The following FAH variants were observed in gnomAD, a reference collection of about 807,000 sequenced individuals.
The protein encoded by FAH is fumarylacetoacetate hydrolase.
In FAH, 47 loss-of-function variants were observed where a neutral mutation model predicts 55.8. That is an observed-to-expected ratio of 0.84 (90% CI 0.67 to 1.07). The LOEUF is 1.07. Among genes scored for constraint, FAH ranks in the 50% least tolerant of loss-of-function variants. FAH has a pLI of 0.00. For missense variants in FAH, 495 were observed against 545.9 expected, an observed-to-expected ratio of 0.91 and a Z score of 0.93; for synonymous variants, 199 against 207.7, an observed-to-expected ratio of 0.96 and a Z score of 0.36.
intron 13 of FAH, 147 bp from the exon 14 acceptor site, chr15:80,185,983 T>C: frequency 1.4e-6 from 1 of 736,754 alleles, no homozygotes; most frequent in Non-Finnish European, 2.5e-6. Flanking sequence ...GGAGGGTTAT[T>C]CTTGTGTTTA....
downstream of FAH, chr15:80,186,383 A>G: frequency 1.5e-6 from 1 of 688,444 alleles, no homozygotes; most frequent in Non-Finnish European, 2.7e-6. Flanking sequence ...TCGTGATTTG[A>G]TCCAGTGGGT....
rs202041382 is a variant in FAH at position 80,173,063 on chromosome 15, G to A, written c.756G>A (p.Gly252=). The change falls in exon 9 of 14, where the codon GGG becomes GGA. Residue 252 remains glycine, a synonymous_variant. Coordinates refer to ENST00000561421, the MANE Select transcript of FAH (RefSeq NM_000137.4). The part of the protein sequence containing the change: ...WEYVPLGPFL[G]KSFGTTVSPW... ...ATGTCCCTCTCGGGCCATTCCTTGG[G>A]AAGAGTTTTGGGACCACTGTCTCTC... The A allele has an allele frequency of 6.8e-6, 11 of 1,614,230 alleles. No homozygotes were observed. The highest frequency in any genetic ancestry group is 9.3e-6 in the Non-Finnish European group (11 of 1,180,042).
intron 2 of FAH, among the ~76,000 whole-genome samples, chr15:80,159,227 GA>G (rs71455313): frequency 0.6 from 87,883 of 146,356 alleles, 26,244 homozygotes; most frequent in East Asian, 0.78. Context: ...GACAGAATGG[GA>G]AAAAAAAAAA....
At chr15:80,159,610 C>A in intron 2 of FAH, 146 bp from the exon 3 acceptor site, 2 of 967,882 alleles carry the variant, frequency 2.1e-6, no homozygotes, top group South Asian at 1.3e-5. Context: ...GAATAAATGA[C>A]AAAACTAAGA....
chr15:80,166,643 T>TC (rs1468125827), intron 5 of FAH, among the ~76,000 whole-genome samples: 3 of 147,996 alleles, frequency 2.0e-5, no homozygotes, highest in African/African-American at 7.5e-5. Context: ...TTCTTTTTTT[T>TC]TTTTTTTTTT....
chr15:80,175,184 G>A (rs2041272643), intron 10 of FAH, 93 bp downstream of exon 10: 1 of 1,121,514 alleles, frequency 8.9e-7, no homozygotes, highest in African/African-American at 1.5e-5. Context: ...TGGCAAGGGT[G>A]AGGGCACGTG....
At chr15:80,158,704 C>T (rs1039463838) in intron 2 of FAH, among the ~76,000 whole-genome samples, 1 of 152,102 alleles carries the variant, frequency 6.6e-6, no homozygotes, top group Non-Finnish European at 1.5e-5. Flanking sequence ...TTTATGGGTA[C>T]CTCTTGTGTG....
chr15:80,167,634 C>T lies in FAH; in HGVS notation c.456-418C>T, dbSNP rs548765898. On this transcript the variant is annotated intron_variant, in intron 5 of 13. Transcript: ENST00000561421. ...GCAACCTCCACCTCTCAGGTTCAAG[C>T]GATTCTTCTGCCTCAGCCTCCCGAG... is the stretch of plus-strand genomic sequence containing the variant. Among the ~76,000 whole-genome samples, 4 of 150,854 alleles carry T rather than the reference C, an allele frequency of 2.7e-5. No individual in the cohort carries two copies. The South Asian group carries it at 6.3e-4, about 24-fold the overall frequency.
At chr15:80,167,083 G>T (rs117330642) in intron 5 of FAH, 3 of 151,242 alleles carry the variant, frequency 2.0e-5, no homozygotes, top group Non-Finnish European at 4.4e-5. Context: ...GCCTGTAATA[G>T]CCTTTGTTTG....
intron 7 of FAH, among the ~76,000 whole-genome samples, chr15:80,171,353 A>G (rs1380688746): frequency 2.0e-5 from 3 of 152,256 alleles, no homozygotes; most frequent in African/African-American, 7.2e-5. Context: ...AGGGACATGG[A>G]TGAAACTGGA....
intron 11 of FAH, among the ~76,000 whole-genome samples, chr15:80,179,760 G>T (rs533327875): frequency 6.6e-6 from 1 of 152,342 alleles, no homozygotes; most frequent in East Asian, 1.9e-4. Flanking sequence ...ACTGGAGGGT[G>T]TTCCCAGGGC....
chr15:80,184,286 GC>G (rs2041352820), intron 13 of FAH, among the ~76,000 whole-genome samples: 1 of 152,062 alleles, frequency 6.6e-6, no homozygotes, highest in South Asian at 2.1e-4. Flanking sequence ...CAATATCTGA[GC>G]AAAAGTCTTT....
In FAH at chr15:80,168,123, C is replaced by G; in HGVS notation, c.527C>G (p.Pro176Arg). The G allele has an allele frequency of 3.1e-6, 5 of 1,614,128 alleles. No homozygotes were observed. Among genetic ancestry groups the G allele is most frequent in the Non-Finnish European group, 4.2e-6 (5 of 1,180,018 alleles). Residue 176 changes from proline (P) to arginine (R), a missense_variant, in exon 6 of 14, where the codon CCC (proline) becomes CGC (arginine). Pro to Arg is a moderately radical substitution (Grantham distance 103). Coordinates refer to ENST00000561421, the MANE Select transcript of FAH (RefSeq NM_000137.4). ...GTGTCTGGCACCCCAATCCGAAGGCCCATGGGACAGATGAAACCTGATGAC... is the reference window on the plus strand; with the variant it reads ...GTGTCTGGCACCCCAATCCGAAGGCGCATGGGACAGATGAAACCTGATGAC... ...VVVSGTPIRRPMGQMKPDDSK... is the reference protein window; with the variant it reads ...VVVSGTPIRRRMGQMKPDDSK...
At chr15:80,162,456 T>A in intron 5 of FAH, 120 bp downstream of exon 5, 1 of 870,320 alleles carries the variant, frequency 1.1e-6, no homozygotes, top group Non-Finnish European at 1.9e-6. Flanking sequence ...AAAGCAGTTA[T>A]GATGTTGCAA....
At chr15:80,164,197 T>C (rs1247992139) in intron 5 of FAH, among the ~76,000 whole-genome samples, 20 of 152,230 alleles carry the variant, frequency 1.3e-4, no homozygotes. Flanking sequence ...TCAGCAGGGC[T>C]GGTTCCTTCT....
chr15:80,167,691 C>G (rs1253755491), intron 5 of FAH, among the ~76,000 whole-genome samples: 2 of 152,036 alleles, frequency 1.3e-5, no homozygotes, highest in Non-Finnish European at 2.9e-5. Context: ...ACCACTATGC[C>G]TGGCTAATTT....
intron 1 of FAH, chr15:80,157,678 C>T: frequency 2.9e-6 from 1 of 340,368 alleles, no homozygotes; most frequent in Non-Finnish European, 5.7e-6. Context: ...GCCTAGAAAC[C>T]TGGAAAATAA....
chr15:80,160,330 G>T, intron 3 of FAH, 80 bp from the exon 4 acceptor site: 1 of 1,398,322 alleles, frequency 7.2e-7, no homozygotes, highest in Non-Finnish European at 1.0e-6. Context: ...ATAATCTTGG[G>T]GATGGTCTGG....
intron 1 of FAH, 184 bp from the exon 2 acceptor site, chr15:80,157,876 G>A (rs915054470): frequency 3.2e-6 from 2 of 634,754 alleles, no homozygotes; most frequent in Non-Finnish European, 5.6e-6. Flanking sequence ...TTTTAGTTCT[G>A]GAAGCAGAGA....
Sources: allele counts gnomAD v4.1 joint callset (sites outside exome capture counted in the v4.1 genomes callset), GRCh38; gene constraint gnomAD v4.1.1; transcripts MANE v1.5; gene names NCBI Gene and HGNC (gene_info 2026-07-23, HGNC 2026-07-21).